Variants in NUBPL observed in about 807,000 individuals in gnomAD.
NUBPL encodes NUBP iron-sulfur cluster assembly factor, mitochondrial.
Under a neutral mutation model 45.7 loss-of-function variants are expected in NUBPL, and 31 were observed. That is an observed-to-expected ratio of 0.68 (90% CI 0.51 to 0.92). The LOEUF (loss-of-function observed/expected upper bound fraction) is 0.92. Among genes scored for constraint, NUBPL ranks in the 40% least tolerant of loss-of-function variants. The pLI is 0.00. For missense variants in NUBPL, 401 were observed against 398.7 expected, an observed-to-expected ratio of 1.01 and a Z score of -0.05; for synonymous variants, 144 against 140.9, an observed-to-expected ratio of 1.02 and a Z score of -0.15.
At chr14:31,679,753 T>G (rs146223081) in intron 6 of NUBPL, among the ~76,000 whole-genome samples, 5 of 152,276 alleles carry the variant, frequency 3.3e-5, no homozygotes, top group Non-Finnish European at 7.4e-5. Flanking sequence ...TACTTTTCTA[T>G]GTATTTTAGA....
At chr14:31,588,713 G>A (rs940450939) in intron 3 of NUBPL, among the ~76,000 whole-genome samples, 2 of 151,746 alleles carry the variant, frequency 1.3e-5, no homozygotes, top group Middle Eastern at 3.2e-3. Context: ...TCAGGAGTTC[G>A]AGACCAGCCT....
At chr14:31,717,132 T>C (rs1435624671) in intron 6 of NUBPL, among the ~76,000 whole-genome samples, 1 of 152,154 alleles carries the variant, frequency 6.6e-6, no homozygotes, top group African/African-American at 2.4e-5. Flanking sequence ...AGGAAAAAGG[T>C]CCTTCTTTAT....
intron 4 of NUBPL, among the ~76,000 whole-genome samples, chr14:31,632,256 G>C (rs1398869660): frequency 1.3e-5 from 2 of 152,172 alleles, no homozygotes; most frequent in Non-Finnish European, 2.9e-5. Flanking sequence ...TGAAGAGTTG[G>C]GGGGAAGGAG....
chr14:31,614,467 A>G (rs2034843837), intron 4 of NUBPL, among the ~76,000 whole-genome samples: 1 of 152,196 alleles, frequency 6.6e-6, no homozygotes, highest in African/African-American at 2.4e-5. Flanking sequence ...GGTTATACAC[A>G]CATACACACA....
chr14:31,757,056 TG>T (rs758578201), intron 6 of NUBPL, among the ~76,000 whole-genome samples: 1 of 152,094 alleles, frequency 6.6e-6, no homozygotes, highest in Non-Finnish European at 1.5e-5. Flanking sequence ...GAAGCCCACT[TG>T]ATTATGGTGA....
intron 4 of NUBPL, among the ~76,000 whole-genome samples, chr14:31,636,900 G>C (rs1247785722): frequency 1.3e-5 from 2 of 152,148 alleles, no homozygotes; most frequent in African/African-American, 4.8e-5. Flanking sequence ...AGTATTCTCT[G>C]ATGGTAGTTT....
At chr14:31,631,133 G>A (rs1228721316) in intron 4 of NUBPL, among the ~76,000 whole-genome samples, 1 of 152,018 alleles carries the variant, frequency 6.6e-6, no homozygotes, top group Non-Finnish European at 1.5e-5. Context: ...CATCTCACTT[G>A]TTTTTCTTTT....
At position 31,647,165 on chromosome 14, in the gene NUBPL, C is replaced by T. The variant is rs888809380; in HGVS notation, c.383-26190C>T. The stretch of plus-strand genomic sequence containing the variant: ...CCTTAAAAGTGCTATTTTGAATTCT[C>T]GGTCAAAAACTCACATTTAGCCATC... On this transcript the variant is annotated intron_variant, in intron 4 of 10. Transcript: ENST00000281081. Among the ~76,000 whole-genome samples, 11 of 152,100 alleles carry T rather than the reference C, an allele frequency of 7.2e-5. No individual in the cohort carries two copies. The East Asian group carries it at 7.7e-4, about 11-fold the overall frequency.
intron 8 of NUBPL, among the ~76,000 whole-genome samples, chr14:31,828,142 T>TTA (rs1420367296): frequency 2.0e-5 from 3 of 152,202 alleles, no homozygotes; most frequent in Non-Finnish European, 4.4e-5. Context: ...TGTCGTGAAC[T>TTA]TTAGGTTGGA....
intron 8 of NUBPL, among the ~76,000 whole-genome samples, chr14:31,835,119 G>A (rs1469736551): frequency 6.6e-6 from 1 of 152,182 alleles, no homozygotes; most frequent in Non-Finnish European, 1.5e-5. Flanking sequence ...GGGCGATAAG[G>A]GGAAGGGGAG....
In NUBPL at chr14:31,846,454, G is replaced by C. The variant is rs373778049; in HGVS notation, c.694-17G>C. 6.2e-7 allele frequency: 1 copy of C among 1,601,244 alleles called. No homozygotes were observed. The highest frequency in any genetic ancestry group is 8.5e-7 in the Non-Finnish European group (1 of 1,171,024). ...TTGGTTTAATTTTATTTTGATTTCAGTGTGTTTTTATTCTAGGTCCTTGGC... is the reference window on the plus strand; with the variant it reads ...TTGGTTTAATTTTATTTTGATTTCACTGTGTTTTTATTCTAGGTCCTTGGC... On this transcript the variant is annotated splice_polypyrimidine_tract_variant and intron_variant, in intron 8 of 10. Coordinates refer to ENST00000281081, the MANE Select transcript of NUBPL (RefSeq NM_025152.3).
chr14:31,787,048 T>C (rs1239971556), intron 6 of NUBPL, among the ~76,000 whole-genome samples: 2 of 152,112 alleles, frequency 1.3e-5, no homozygotes, highest in Non-Finnish European at 2.9e-5. Flanking sequence ...GAAGGCAGAA[T>C]AACTGATTGG....
At chr14:31,657,549 TG>T (rs1480503910) in intron 4 of NUBPL, among the ~76,000 whole-genome samples, 1 of 152,242 alleles carries the variant, frequency 6.6e-6, no homozygotes, top group African/African-American at 2.4e-5. Flanking sequence ...GGTCTTTTTA[TG>T]CAGGCAGTCA....
chr14:31,809,487 T>C (rs192720728), intron 7 of NUBPL, among the ~76,000 whole-genome samples: 18 of 152,312 alleles, frequency 1.2e-4, no homozygotes, highest in African/African-American at 4.3e-4. Flanking sequence ...TTTTATTGTG[T>C]CTTTTTGATT....
chr14:31,618,392 G>T (rs2034967884), intron 4 of NUBPL, among the ~76,000 whole-genome samples: 1 of 152,072 alleles, frequency 6.6e-6, no homozygotes, highest in South Asian at 2.1e-4. Flanking sequence ...GATCTTTCCT[G>T]CTTTCTCTTT....
At chr14:31,630,563 A>G (rs1321330724) in intron 4 of NUBPL, among the ~76,000 whole-genome samples, 1 of 152,074 alleles carries the variant, frequency 6.6e-6, no homozygotes, top group Non-Finnish European at 1.5e-5. Context: ...ACCTCTTTCA[A>G]AGCCTAAAAT....
At chr14:31,571,652 G>A (rs1342754451) in intron 3 of NUBPL, among the ~76,000 whole-genome samples, 25 of 152,070 alleles carry the variant, frequency 1.6e-4, no homozygotes, top group Admixed American at 1.6e-3. Flanking sequence ...GTTTCATCAT[G>A]TTGGCCAGGC....
At chr14:31,633,454 T>G (rs1376652126) in intron 4 of NUBPL, among the ~76,000 whole-genome samples, 1 of 152,220 alleles carries the variant, frequency 6.6e-6, no homozygotes, top group Admixed American at 6.5e-5. Context: ...CAAGTTTATT[T>G]TACTGATGAG....
intron 4 of NUBPL, among the ~76,000 whole-genome samples, chr14:31,624,784 T>C (rs1274324664): frequency 6.6e-6 from 1 of 152,110 alleles, no homozygotes; most frequent in African/African-American, 2.4e-5. Context: ...AGGCTGGTCT[T>C]GAACTCCTGA....
Sources: gnomAD v4.1 joint callset for allele counts (sites outside exome capture counted in the v4.1 genomes callset) on GRCh38, gnomAD v4.1.1 for gene constraint, MANE v1.5 for transcripts, NCBI Gene and HGNC (gene_info 2026-07-23, HGNC 2026-07-21) for gene names.